HMGCS1: variants seen among roughly 807,000 people sequenced by gnomAD.
HMGCS1 encodes hydroxymethylglutaryl-CoA synthase, cytoplasmic.
HMGCS1 carries 9 observed loss-of-function variants against 52.3 expected under a neutral mutation model. The ratio of observed to expected loss-of-function variants is 0.17; its 90% CI spans 0.10 to 0.30. The LOEUF (loss-of-function observed/expected upper bound fraction) is 0.30. Ranked by LOEUF, HMGCS1 falls within the 10% of genes least tolerant of loss-of-function variation. The pLI is 1.00. For missense variants in HMGCS1, 320 were observed against 620.9 expected, an observed-to-expected ratio of 0.52 and a Z score of 5.15; for synonymous variants, 176 against 214.4, an observed-to-expected ratio of 0.82 and a Z score of 1.57.
At chr5:43,310,457 A>G (rs1347825664) in intron 1 of HMGCS1, among the ~76,000 whole-genome samples, 1 of 152,114 alleles carries the variant, frequency 6.6e-6, no homozygotes, top group Admixed American at 6.5e-5. Context: ...TTCTTTTGGG[A>G]GAGGGGCTAT....
chr5:43,290,222 C>T lies in HMGCS1; in HGVS notation c.*909G>A, dbSNP rs1753679961. 6.6e-6 allele frequency: 1 copy of T among 152,546 alleles called. No homozygotes were observed. The highest frequency in any genetic ancestry group is 2.4e-5 in the African/African-American group (1 of 41,422). 9.4% of individuals were successfully genotyped at this position (152,546 alleles called of 1,614,324 possible). A position where few individuals can be genotyped will look rare whatever the true frequency, so the allele number is the denominator to read the frequency against. Reference sequence around the variant, plus strand: ...AATAATGCCCTGCCCCTATTCTTCCCTTCCATTTTAAATTTTTAAAAAAGT... The same window carrying T: ...AATAATGCCCTGCCCCTATTCTTCCTTTCCATTTTAAATTTTTAAAAAAGT... On this transcript the variant is annotated 3_prime_UTR_variant, in exon 11 of 11. Coordinates refer to ENST00000325110, the MANE Select transcript of HMGCS1 (RefSeq NM_001098272.3).
rs1410600006 is a variant in HMGCS1, at chr5:43,288,774, T to A, written c.*2357A>T. 3 of 150,968 alleles carry A rather than the reference T, an allele frequency of 2.0e-5. No individual in the cohort carries two copies. The highest frequency in any genetic ancestry group is 7.3e-5 in the African/African-American group (3 of 41,352). 9.4% of individuals were successfully genotyped at this position (150,968 alleles called of 1,614,324 possible). A position where few individuals can be genotyped will look rare whatever the true frequency, so the allele number is the denominator to read the frequency against. ...CTAAGTATGAAAGCCAGACATGACA[T>A]GATGATAAAATATGAGCTGATCAGT... On this transcript the variant is annotated 3_prime_UTR_variant, in exon 11 of 11. Coordinates refer to ENST00000325110, the MANE Select transcript of HMGCS1 (RefSeq NM_001098272.3).
At chr5:43,308,112 G>A (rs1754668701) in intron 1 of HMGCS1, among the ~76,000 whole-genome samples, 1 of 152,178 alleles carries the variant, frequency 6.6e-6, no homozygotes, top group Non-Finnish European at 1.5e-5. Context: ...AAGGAAATAA[G>A]AAGCCCATGT....
chr5:43,297,159 A>C lies in HMGCS1; in HGVS notation c.582T>G (p.Arg194=). Residue 194 remains arginine, a synonymous_variant, in exon 5 of 11, where the codon CGT becomes CGG. Coordinates refer to ENST00000325110, the MANE Select transcript of HMGCS1 (RefSeq NM_001098272.3). ...CATAGGCATGTTGCATATGTGTCCC[A>C]CGAAGCCCTATTAGAACCAAAAAGG... ...NAPLIFERGL[R]GTHMQHAYDF... 1 of 1,611,304 alleles carries C rather than the reference A, an allele frequency of 6.2e-7. No homozygotes were observed. The highest frequency in any genetic ancestry group is 8.5e-7 in the Non-Finnish European group (1 of 1,178,946).
At chr5:43,309,405 GATTTTTGT>G (rs1290466985) in intron 1 of HMGCS1, among the ~76,000 whole-genome samples, 1 of 151,852 alleles carries the variant, frequency 6.6e-6, no homozygotes, top group Non-Finnish European at 1.5e-5. Context: ...ATACACAGCT[GATTTTTGT>G]ATTTTTTGTA....
In HMGCS1 at chr5:43,289,496, C is replaced by T. The variant is rs569153294; in HGVS notation, c.*1635G>A. 4.6e-5 allele frequency: 7 copies of T among 152,626 alleles called. No homozygotes were observed. Among genetic ancestry groups the T allele is most frequent in the African/African-American group, 1.2e-4 (5 of 41,530 alleles). 9.5% of individuals were successfully genotyped at this position (152,626 alleles called of 1,614,324 possible). ...CAGTATTTGCAGGCCTGCCCATTGCCGGCAATGGACTTTGAGAAAACCCAT... is the reference window on the plus strand; with the variant it reads ...CAGTATTTGCAGGCCTGCCCATTGCTGGCAATGGACTTTGAGAAAACCCAT... On this transcript the variant is annotated 3_prime_UTR_variant, in exon 11 of 11. Coordinates refer to ENST00000325110, the MANE Select transcript of HMGCS1 (RefSeq NM_001098272.3).
At chr5:43,308,539 T>G (rs1478210231) in intron 1 of HMGCS1, among the ~76,000 whole-genome samples, 1 of 152,234 alleles carries the variant, frequency 6.6e-6, no homozygotes, top group Non-Finnish European at 1.5e-5. Context: ...CTCTTACTGC[T>G]TATGTTAAAA....
In HMGCS1 at chr5:43,294,136, T is replaced by C. The variant is rs140146457; in HGVS notation, c.1103A>G (p.Lys368Arg). The C allele has an allele frequency of 2.1e-5, 34 of 1,611,978 alleles. No individual in the cohort carries two copies. Among genetic ancestry groups the C allele is most frequent in the Non-Finnish European group, 2.5e-6 (3 of 1,178,178 alleles). Residue 368 changes from lysine (K) to arginine (R), a missense_variant, in exon 8 of 11, where the codon AAG (lysine) becomes AGG (arginine). By Grantham distance (26) the Lys-to-Arg change is conservative. This residue lies in a region of HMGCS1 where 213 missense variants were observed against 337.4 expected (regional missense o/e 0.63). Transcript: ENST00000325110. ...AQYSPQQLAG[K>R]RIGVFSYGSG... The stretch of plus-strand genomic sequence containing the variant: ...ACCATAAGAAAACACTCCAATTCTC[T>C]TCCCTGCTAATTGCTGAGGTGAGTA...
chr5:43,294,081 A>G lies in HMGCS1; in HGVS notation c.1158T>C (p.Leu386=). ...CCGGTGTAGCATCTTGTGTGACTTT[A>G]AGAGAGTACAGAGTGGCAGCCAAAC... ...GSGLAATLYS[L]KVTQDATPGS... Residue 386 remains leucine, a synonymous_variant, in exon 8 of 11, where the codon CTT becomes CTC. Coordinates refer to ENST00000325110, the MANE Select transcript of HMGCS1 (RefSeq NM_001098272.3). 6.2e-7 allele frequency: 1 copy of G among 1,610,134 alleles called. No individual in the cohort carries two copies. Among genetic ancestry groups the G allele is most frequent in the East Asian group, 2.2e-5 (1 of 44,862 alleles).
intron 7 of HMGCS1, 100 bp from the exon 8 acceptor site, chr5:43,294,262 A>C (rs1212925200): frequency 1.7e-6 from 1 of 599,936 alleles, no homozygotes; most frequent in Non-Finnish European, 2.9e-6. Flanking sequence ...CTATAAGTAA[A>C]AGTAGAATCT....
At chr5:43,304,921 A>C (rs761182077) in intron 2 of HMGCS1, among the ~76,000 whole-genome samples, 9 of 152,254 alleles carry the variant, frequency 5.9e-5, no homozygotes, top group Non-Finnish European at 1.3e-4. Flanking sequence ...CAGGAAAATT[A>C]ATACAGAGAA....
chr5:43,294,828 T>G lies in HMGCS1; in HGVS notation c.939A>C (p.Arg313Ser). 1 of 1,610,882 alleles carries G rather than the reference T, an allele frequency of 6.2e-7. No individual in the cohort carries two copies. Among genetic ancestry groups the G allele is most frequent in the Non-Finnish European group, 8.5e-7 (1 of 1,177,968 alleles). ...DVKLEDTYFD[R>S]DVEKAFMKAS... ...CCTTCATAAATGCCTTCTCCACATC[T>G]CTATCAAAGTAGGTGTCTTCTAATT... The change falls in exon 7 of 11, where the codon AGA becomes AGC. Residue 313 changes from arginine to serine, a missense_variant. Coordinates refer to ENST00000325110, the MANE Select transcript of HMGCS1 (RefSeq NM_001098272.3).
chr5:43,292,970 G>C lies in HMGCS1; in HGVS notation c.1187C>G (p.Ser396Cys). Residue 396 changes from serine (S) to cysteine (C), a missense_variant, in exon 9 of 11, where the codon TCT (serine) becomes TGT (cysteine). Physicochemically the swap from Ser to Cys is moderately radical, Grantham distance 112. Coordinates refer to ENST00000325110, the MANE Select transcript of HMGCS1 (RefSeq NM_001098272.3). Reference protein sequence around the residue: ...LKVTQDATPGSALDKITASLC... With the variant: ...LKVTQDATPGCALDKITASLC... ...ACTTGCTGTTATTTTATCAAGAGCA[G>C]ACCCTAAAATAGTGAATAATTCAAC... The C allele has an allele frequency of 6.3e-7, 1 of 1,595,082 alleles. No individual in the cohort carries two copies. Among genetic ancestry groups the C allele is most frequent in the Non-Finnish European group, 8.5e-7 (1 of 1,172,852 alleles).
At chr5:43,308,631 T>C (rs889135002) in intron 1 of HMGCS1, among the ~76,000 whole-genome samples, 3 of 152,180 alleles carry the variant, frequency 2.0e-5, no homozygotes, top group Non-Finnish European at 4.4e-5. Flanking sequence ...CTGGAACATA[T>C]TCTTCAGTCC....
chr5:43,302,857 C>T (rs1754387657), intron 2 of HMGCS1, among the ~76,000 whole-genome samples: 1 of 152,210 alleles, frequency 6.6e-6, no homozygotes, highest in Non-Finnish European at 1.5e-5. Context: ...CACCAATTCT[C>T]TTGGCGGCAC....
chr5:43,310,712 A>T (rs997251966), intron 1 of HMGCS1, among the ~76,000 whole-genome samples: 2 of 152,042 alleles, frequency 1.3e-5, no homozygotes, highest in African/African-American at 2.4e-5. Context: ...GCCTGCTATC[A>T]GTTTTGAGAT....
intron 1 of HMGCS1, among the ~76,000 whole-genome samples, chr5:43,312,271 TGTTA>T (rs1754907727): frequency 6.6e-6 from 1 of 152,202 alleles, no homozygotes; most frequent in African/African-American, 2.4e-5. Context: ...ACAGAGCAAA[TGTTA>T]GTTAGCAGCA....
chr5:43,295,692 T>G, intron 6 of HMGCS1, 60 bp downstream of exon 6: 6 of 1,279,590 alleles, frequency 4.7e-6, no homozygotes, highest in Non-Finnish European at 6.7e-6. Flanking sequence ...AAATAACAGC[T>G]TAACAGATAT....
chr5:43,297,906 C>G (rs1291433026), intron 4 of HMGCS1, 103 bp downstream of exon 4: 1 of 913,714 alleles, frequency 1.1e-6, no homozygotes, highest in Non-Finnish European at 1.6e-6. Context: ...CAAGTAGTAC[C>G]TGCATTTAAT....
Sources: gnomAD v4.1 joint callset for allele counts (sites outside exome capture counted in the v4.1 genomes callset) on GRCh38, gnomAD v4.1.1 for gene constraint, gnomAD v4.1.1 regional missense constraint, MANE v1.5 for transcripts, NCBI Gene and HGNC (gene_info 2026-07-23, HGNC 2026-07-21) for gene names.